The following KIAA2012 variants were observed in gnomAD, a reference collection of about 807,000 sequenced individuals.
KIAA2012 encodes the protein KIAA2012, also known as uncharacterized protein KIAA2012.
KIAA2012 carries 125 observed loss-of-function variants against 150.6 expected under a neutral mutation model. That is an observed-to-expected ratio of 0.83 (90% CI 0.72 to 0.96). The LOEUF (loss-of-function observed/expected upper bound fraction) is 0.96, where lower values mean the gene tolerates loss of function less well. Among genes scored for constraint, KIAA2012 ranks in the 40% least tolerant of loss-of-function variants. The pLI is 0.00. For synonymous variants in KIAA2012, 462 were observed against 504.7 expected (o/e 0.92, Z 1.13); for missense variants, 1,219 against 1,354.9 (o/e 0.90, Z 1.57).
chr2:202,137,237 T>A (rs1691083619), intron 12 of KIAA2012: 1 of 151,954 alleles, frequency 6.6e-6, no homozygotes, highest in South Asian at 2.1e-4. Context: ...CAGAAGAAAC[T>A]AAACCCTTCG....
rs534904810 is a variant in KIAA2012 at position 202,188,277 on chromosome 2, G to A, written c.2491+11G>A. On this transcript the variant is annotated intron_variant, in intron 18 of 23. Transcript: ENST00000498697. The stretch of plus-strand genomic sequence containing the variant: ...CAGAGGCTGCCATTGGTAAGAGAGT[G>A]TGCCTGCAAGTAACAACCTGGAGAA... 1.9e-5 allele frequency: 29 copies of A among 1,543,702 alleles called. No homozygotes were observed. The highest frequency in any genetic ancestry group is 8.2e-5 in the African/African-American group (6 of 72,776).
At chr2:202,150,447 T>C (rs1691400827) in intron 13 of KIAA2012, among the ~76,000 whole-genome samples, 2 of 139,550 alleles carry the variant, frequency 1.4e-5, no homozygotes, top group Admixed American at 7.8e-5. Context: ...TTTTGTTTTT[T>C]GTTTTTTGTG....
At chr2:202,175,181 C>T (rs866917496) in intron 15 of KIAA2012, among the ~76,000 whole-genome samples, 10 of 152,114 alleles carry the variant, frequency 6.6e-5, no homozygotes, top group South Asian at 2.1e-4. Context: ...TTGCTGATTG[C>T]GTCCTCATAG....
rs2105927003 is a variant in KIAA2012 at position 202,109,593 on chromosome 2, T to C, written c.1475-20T>C. 1 of 1,506,278 alleles carries C rather than the reference T, an allele frequency of 6.6e-7. No homozygotes were observed. Among genetic ancestry groups the C allele is most frequent in the East Asian group, 2.5e-5 (1 of 40,566 alleles). 93.3% of individuals were successfully genotyped at this position (1,506,278 alleles called of 1,614,324 possible). A position where few individuals can be genotyped will look rare whatever the true frequency, so the allele number is the denominator to read the frequency against. On this transcript the variant is annotated intron_variant, in intron 9 of 23. Coordinates refer to ENST00000498697, the MANE Select transcript of KIAA2012 (RefSeq NM_001277372.4). ...GATTCTGTTTTCTCACACAGGCTTT[T>C]TCCCCTTTTGTTTTTAAAGATGATG...
rs1235872276 is a variant in KIAA2012, at chr2:202,090,810, G to A, written c.410G>A (p.Arg137Gln). The A allele has an allele frequency of 5.8e-6, 9 of 1,550,424 alleles. No homozygotes were observed. The highest frequency in any genetic ancestry group is 4.9e-5 in the East Asian group (2 of 40,926). ...GCCTGGCAACCATACCTCCACTTCC[G>A]AAGCCAGCTGGAGAGCCAGGCCCAA... ...DRAWQPYLHFRSQLESQAQRQ... is the reference protein window; with the variant it reads ...DRAWQPYLHFQSQLESQAQRQ... Residue 137 changes from arginine to glutamine, a missense_variant, in exon 3 of 24, where the codon CGA becomes CAA. Physicochemically the swap from Arg to Gln is conservative, Grantham distance 43. Transcript: ENST00000498697.
intron 11 of KIAA2012, chr2:202,115,301 A>G (rs1690487027): frequency 1.3e-5 from 2 of 152,192 alleles, no homozygotes; most frequent in Admixed American, 6.6e-5. Context: ...GTTCAAAACC[A>G]TCTTAATCAC....
At chr2:202,186,754 A>G (rs2105743741) in intron 16 of KIAA2012, among the ~76,000 whole-genome samples, 179 bp from the exon 17 acceptor site, 1 of 152,332 alleles carries the variant, frequency 6.6e-6, no homozygotes, top group East Asian at 1.9e-4. Flanking sequence ...TAAAGTGAAG[A>G]CCAATCTTTC....
At chr2:202,169,765 G>A (rs190832780) in intron 15 of KIAA2012, among the ~76,000 whole-genome samples, 8 of 152,244 alleles carry the variant, frequency 5.3e-5, no homozygotes, top group Admixed American at 4.6e-4. Context: ...CTGATGTCTG[G>A]GAAACACTGA....
chr2:202,129,026 A>G (rs1690863289), intron 12 of KIAA2012, among the ~76,000 whole-genome samples: 1 of 152,050 alleles, frequency 6.6e-6, no homozygotes. Context: ...TTCTCCTGCC[A>G]GCGGCAGGGT....
At chr2:202,160,140 C>T (rs1309165077) in intron 14 of KIAA2012, among the ~76,000 whole-genome samples, 2 of 152,046 alleles carry the variant, frequency 1.3e-5, no homozygotes, top group East Asian at 3.9e-4. Context: ...GATTCAAAGC[C>T]AAAAATCCCC....
intron 21 of KIAA2012, 61 bp from the exon 22 acceptor site, chr2:202,196,739 C>A: frequency 6.6e-7 from 1 of 1,506,480 alleles, no homozygotes; most frequent in Admixed American, 2.3e-5. Flanking sequence ...AGAGTTGGAT[C>A]CGAAAATTGT....
chr2:202,119,186 T>A (rs950552905), intron 11 of KIAA2012, among the ~76,000 whole-genome samples: 3 of 151,732 alleles, frequency 2.0e-5, no homozygotes, highest in Non-Finnish European at 4.4e-5. Context: ...GCAGGAGAAT[T>A]ACTTGAACCT....
intron 13 of KIAA2012, among the ~76,000 whole-genome samples, chr2:202,151,089 C>T (rs1256375714): frequency 1.3e-5 from 2 of 152,108 alleles, no homozygotes; most frequent in African/African-American, 4.8e-5. Flanking sequence ...AGATCCCCTG[C>T]TTACCTCTAA....
intron 22 of KIAA2012, among the ~76,000 whole-genome samples, chr2:202,200,801 G>A (rs1460552105): frequency 6.8e-6 from 1 of 146,144 alleles, no homozygotes; most frequent in African/African-American, 2.5e-5. Context: ...CCGCCTGCCA[G>A]ATTCAAGCAA....
rs1692623265 is a variant in KIAA2012 at position 202,205,186 on chromosome 2, A to C, written c.*209A>C. 1 of 152,254 alleles carries C rather than the reference A, an allele frequency of 6.6e-6. No individual in the cohort carries two copies. The highest frequency in any genetic ancestry group is 6.5e-5 in the Admixed American group (1 of 15,280). The allele number at this position is 152,254 out of a possible 1,614,324, so 9.4% of individuals were successfully genotyped here. A position where few individuals can be genotyped will look rare whatever the true frequency, so the allele number is the denominator to read the frequency against. ...TGCAATGCATTTCGAAAAATCCAAA[A>C]AACTAAAAACAAGAAAATTACTTCC... On this transcript the variant is annotated 3_prime_UTR_variant, in exon 24 of 24. Coordinates refer to ENST00000498697, the MANE Select transcript of KIAA2012 (RefSeq NM_001277372.4).
chr2:202,132,432 C>T (rs1014380044), intron 12 of KIAA2012, among the ~76,000 whole-genome samples: 3 of 150,040 alleles, frequency 2.0e-5, no homozygotes, highest in Non-Finnish European at 3.0e-5. Flanking sequence ...TTTGGGAGGC[C>T]GAGGCAGGCA....
In KIAA2012 at chr2:202,099,686, C is replaced by T. The variant is rs569519335; in HGVS notation, c.902C>T (p.Ser301Phe). 97 of 1,550,462 alleles carry T rather than the reference C, an allele frequency of 6.3e-5. No individual in the cohort carries two copies. The African/African-American group carries it at 1.1e-3, about 18-fold the overall frequency. ...TACAATGAAAAGACACAGCAAACCT[C>T]CAGGAAGGCCTTTGGGCATGGCCGC... The part of the protein sequence containing the change: ...ESYNEKTQQT[S>F]RKAFGHGRID... Residue 301 changes from serine (S) to phenylalanine (F), a missense_variant, in exon 6 of 24, where the codon TCC becomes TTC. Ser to Phe is a radical substitution (Grantham distance 155). Coordinates refer to ENST00000498697, the MANE Select transcript of KIAA2012 (RefSeq NM_001277372.4).
At chr2:202,125,316 C>T (rs1690757098) in intron 12 of KIAA2012, 34 bp downstream of exon 12, 1 of 1,482,014 alleles carries the variant, frequency 6.7e-7, no homozygotes, top group Non-Finnish European at 9.2e-7. Context: ...ACCTCGACTT[C>T]TCTATGTAAT....
chr2:202,129,609 T>TTTC (rs1690877913), intron 12 of KIAA2012, among the ~76,000 whole-genome samples: 1 of 152,148 alleles, frequency 6.6e-6, no homozygotes, highest in African/African-American at 2.4e-5. Flanking sequence ...GAAAGGATTG[T>TTTC]GTAGATGGTA....
Sources: gnomAD v4.1 joint callset for allele counts (sites outside exome capture counted in the v4.1 genomes callset) on GRCh38, gnomAD v4.1.1 for gene constraint, MANE v1.5 for transcripts, NCBI Gene and HGNC (gene_info 2026-07-23, HGNC 2026-07-21) for gene names.